PARD3B: variants seen among roughly 807,000 people sequenced by gnomAD.
PARD3B encodes partitioning defective 3 homolog B.
In PARD3B, 103 loss-of-function variants were observed where a neutral mutation model predicts 130.2. That is an observed-to-expected ratio of 0.79 (90% CI 0.67 to 0.93). The LOEUF (loss-of-function observed/expected upper bound fraction) is 0.93, where lower values mean the gene tolerates loss of function less well. PARD3B is among the 40% of genes least tolerant of loss of function. PARD3B has a pLI of 0.00. For synonymous variants in PARD3B, 583 were observed against 553.2 expected (o/e 1.05, Z -0.76); for missense variants, 1,609 against 1,499.2 (o/e 1.07, Z -1.21).
chr2:204,697,525 C>T (rs1015618764), intron 2 of PARD3B, among the ~76,000 whole-genome samples: 2 of 152,028 alleles, frequency 1.3e-5, no homozygotes, highest in Non-Finnish European at 2.9e-5. Flanking sequence ...TCACTGAGAC[C>T]GAGTATATAA....
chr2:205,195,727 A>G (rs953258782), intron 15 of PARD3B, among the ~76,000 whole-genome samples: 1 of 152,156 alleles, frequency 6.6e-6, no homozygotes, highest in Admixed American at 6.6e-5. Flanking sequence ...GCGTTTTAAC[A>G]TTCTTTAAAA....
At chr2:205,208,721 G>T (rs1367733382) in intron 15 of PARD3B, among the ~76,000 whole-genome samples, 1 of 144,764 alleles carries the variant, frequency 6.9e-6, no homozygotes, top group African/African-American at 2.7e-5. Context: ...AATAAAAGAG[G>T]ATACAAACAA....
chr2:205,245,902 T>C, intron 16 of PARD3B, 80 bp downstream of exon 16: 2 of 1,176,594 alleles, frequency 1.7e-6, no homozygotes, highest in South Asian at 1.3e-5. Flanking sequence ...GGAACCTGTT[T>C]CTATCCACTA....
At chr2:205,512,835 C>A (rs2050637629) in intron 21 of PARD3B, among the ~76,000 whole-genome samples, 1 of 152,166 alleles carries the variant, frequency 6.6e-6, no homozygotes, top group Non-Finnish European at 1.5e-5. Context: ...CCTTCTGGCC[C>A]ACTCTATAGT....
At position 204,967,999 on chromosome 2, in the gene PARD3B, A is replaced by C. The variant is rs1691396733; in HGVS notation, c.394+2676A>C. 6.6e-6 allele frequency among the ~76,000 whole-genome samples: 1 copy of C among 152,144 alleles called. No individual in the cohort carries two copies. The highest frequency in any genetic ancestry group is 2.4e-5 in the African/African-American group (1 of 41,442). On this transcript the variant is annotated intron_variant, in intron 3 of 22. Coordinates refer to ENST00000406610, the MANE Select transcript of PARD3B (RefSeq NM_001302769.2). This position sits in a 1 kb window ranked among gnomAD's most constrained non-coding sequence, Gnocchi z 4.4. The stretch of plus-strand genomic sequence containing the variant: ...TCATGAAATGTCAGCCATTGAACCC[A>C]GGCCCTTCATCTCCCTTCCCCAGTC...
At chr2:205,482,985 G>A (rs1389756656) in intron 20 of PARD3B, among the ~76,000 whole-genome samples, 2 of 151,918 alleles carry the variant, frequency 1.3e-5, no homozygotes, top group Admixed American at 6.6e-5. Flanking sequence ...ATTCCAGGGT[G>A]CAAAACCAAG....
intron 20 of PARD3B, among the ~76,000 whole-genome samples, chr2:205,474,429 A>T (rs756484012): frequency 6.6e-6 from 1 of 152,188 alleles, no homozygotes; most frequent in Non-Finnish European, 1.5e-5. Flanking sequence ...ATTTACATGC[A>T]TATACACATT....
At chr2:204,909,850 C>T (rs753212106) in intron 2 of PARD3B, among the ~76,000 whole-genome samples, 2 of 152,082 alleles carry the variant, frequency 1.3e-5, no homozygotes, top group Non-Finnish European at 2.9e-5. Context: ...TACAATATTT[C>T]CTTTATTGCT....
intron 3 of PARD3B, among the ~76,000 whole-genome samples, chr2:205,003,395 G>A (rs571474402): frequency 6.6e-6 from 1 of 152,282 alleles, no homozygotes; most frequent in Admixed American, 6.5e-5. Flanking sequence ...ATTCTGCCTA[G>A]CAGGGTACAA....
rs1693202077 is a variant in PARD3B, at chr2:204,545,520, G to A, written c.-480G>A. On this transcript the variant is annotated 5_prime_UTR_variant, in exon 1 of 23. Coordinates refer to ENST00000406610, the MANE Select transcript of PARD3B (RefSeq NM_001302769.2). ...GGGCGCCGCAGAGGAGTTGGGAGCC[G>A]GCGCAAAAGTTTCCTCCCAACTCTG... Among the ~76,000 whole-genome samples, 1 of 152,010 alleles carries A rather than the reference G, an allele frequency of 6.6e-6. No individual in the cohort carries two copies. Among genetic ancestry groups the A allele is most frequent in the Admixed American group, 6.5e-5 (1 of 15,272 alleles).
chr2:205,222,378 C>G (rs556847348), intron 15 of PARD3B, among the ~76,000 whole-genome samples: 1 of 152,238 alleles, frequency 6.6e-6, no homozygotes, highest in African/African-American at 2.4e-5. Flanking sequence ...CACGTACAAA[C>G]TTTATGTCAT....
At chr2:205,042,826 C>T (rs1410435517) in intron 3 of PARD3B, among the ~76,000 whole-genome samples, 3 of 151,554 alleles carry the variant, frequency 2.0e-5, no homozygotes, top group Non-Finnish European at 2.9e-5. Flanking sequence ...ATATCCTCAT[C>T]CCTTCTCCCT....
chr2:205,368,164 T>C (rs979204790), intron 18 of PARD3B, among the ~76,000 whole-genome samples: 1 of 152,158 alleles, frequency 6.6e-6, no homozygotes, highest in Non-Finnish European at 1.5e-5. Context: ...TAGCATACAA[T>C]ACTATATCCA....
chr2:205,363,201 A>G (rs1232217295), intron 18 of PARD3B, among the ~76,000 whole-genome samples: 6 of 152,186 alleles, frequency 3.9e-5, no homozygotes, highest in African/African-American at 1.4e-4. Flanking sequence ...GGGGCCCCAG[A>G]GACTAAGAAC....
intron 1 of PARD3B, among the ~76,000 whole-genome samples, chr2:204,633,004 T>C (rs1452570845): frequency 1.3e-5 from 2 of 152,238 alleles, no homozygotes; most frequent in Admixed American, 6.5e-5. Flanking sequence ...AGACTGATTC[T>C]GTACTTTGGC....
chr2:205,070,352 T>A (rs949208659), intron 4 of PARD3B, among the ~76,000 whole-genome samples: 6 of 152,136 alleles, frequency 3.9e-5, no homozygotes, highest in Non-Finnish European at 5.9e-5. Context: ...GCTGTTTTTT[T>A]AAATCAGGAT....
chr2:204,760,166 C>G (rs534325657), intron 2 of PARD3B, among the ~76,000 whole-genome samples: 4 of 152,056 alleles, frequency 2.6e-5, no homozygotes, highest in Admixed American at 1.3e-4. Context: ...CCAGCAAAGT[C>G]CTAGAAATAA....
intron 18 of PARD3B, among the ~76,000 whole-genome samples, chr2:205,349,820 T>TTAA (rs1553682358): frequency 1.3e-3 from 177 of 139,566 alleles, no homozygotes; most frequent in African/African-American, 4.6e-3. Context: ...TTTTTTTTTT[T>TTAA]AAAAAAAGAG....
chr2:205,326,506 T>A (rs1255008665), intron 18 of PARD3B, among the ~76,000 whole-genome samples: 2 of 152,126 alleles, frequency 1.3e-5, no homozygotes, highest in Non-Finnish European at 2.9e-5. Context: ...AGTAAAAGCA[T>A]TATCTCTATG....
Sources: gnomAD v4.1 joint callset for allele counts (sites outside exome capture counted in the v4.1 genomes callset) on GRCh38, gnomAD v4.1.1 for gene constraint, Gnocchi (gnomAD v3.1) non-coding constraint, MANE v1.5 for transcripts, NCBI Gene and HGNC (gene_info 2026-07-23, HGNC 2026-07-21) for gene names.